The following PKN2 variants were observed in gnomAD, a reference collection of about 807,000 sequenced individuals.
PKN2 encodes protein kinase N2, also known as serine/threonine-protein kinase N2.
In PKN2, 38 loss-of-function variants were observed where a neutral mutation model predicts 119.1. The observed-to-expected ratio is 0.32, with a 90% confidence interval of 0.25 to 0.42. The LOEUF is 0.42. PKN2 is among the 10% of genes least tolerant of loss of function. The probability of loss-of-function intolerance (pLI) is 1.00; values close to 1 mark genes in which losing one functional copy is unlikely to be tolerated. For missense variants in PKN2, 850 were observed against 1,165.1 expected (o/e 0.73, Z 3.94); for synonymous variants, 390 against 384.9 (o/e 1.01, Z -0.15).
chr1:88,808,200 A>AT (rs1671631651), intron 15 of PKN2, among the ~76,000 whole-genome samples: 1 of 151,714 alleles, frequency 6.6e-6, no homozygotes, highest in Admixed American at 6.6e-5. Context: ...ATGTTATCTT[A>AT]TTTTTTTCCT....
intron 3 of PKN2, among the ~76,000 whole-genome samples, chr1:88,765,427 A>ATCCAGGTCCC (rs1669630994): frequency 6.6e-6 from 1 of 152,210 alleles, no homozygotes; most frequent in African/African-American, 2.4e-5. Context: ...CAGACTGTCC[A>ATCCAGGTCCC]TCCAGGTCCC....
At position 88,833,461 on chromosome 1, in the gene PKN2, T is replaced by C. The variant is rs769477341; in HGVS notation, c.*13T>C. On this transcript the variant is annotated 3_prime_UTR_variant, in exon 22 of 22. Coordinates refer to ENST00000370521, the MANE Select transcript of PKN2 (RefSeq NM_006256.4). ...TGATTGGTGTTAAGTTGCTAGACAC[T>C]GCGAAACCAAGCTGACTCACAAGAA... 1.2e-6 allele frequency: 2 copies of C among 1,607,174 alleles called. No homozygotes were observed. Among genetic ancestry groups the C allele is most frequent in the East Asian group, 2.2e-5 (1 of 44,808 alleles).
intron 6 of PKN2, 87 bp from the exon 7 acceptor site, chr1:88,784,552 C>CT (rs1670490038): frequency 4.0e-6 from 3 of 753,010 alleles, no homozygotes; most frequent in East Asian, 3.1e-5. Flanking sequence ...TTTTTTTTTT[C>CT]TTTTTTTGAA....
intron 1 of PKN2, among the ~76,000 whole-genome samples, chr1:88,694,416 AT>A (rs1394790571): frequency 3.3e-5 from 5 of 152,196 alleles, no homozygotes; most frequent in Non-Finnish European, 7.4e-5. Flanking sequence ...AGAAATAAGC[AT>A]TTAATTTTCC....
In PKN2 at chr1:88,821,233, A is replaced by G. The variant is rs567225375; in HGVS notation, c.2280-708A>G. ...CATGCTAATTTTTAAGTTTTTGTGAATCTGTCTCTCTGTTGCCACTACAGT... is the reference window on the plus strand; with the variant it reads ...CATGCTAATTTTTAAGTTTTTGTGAGTCTGTCTCTCTGTTGCCACTACAGT... On this transcript the variant is annotated intron_variant, in intron 16 of 21. Coordinates refer to ENST00000370521, the MANE Select transcript of PKN2 (RefSeq NM_006256.4). Among the ~76,000 whole-genome samples, 5 of 152,274 alleles carry G rather than the reference A, an allele frequency of 3.3e-5. No homozygotes were observed. In the South Asian group the frequency reaches 6.2e-4, roughly 19 times the overall value.
intron 14 of PKN2, 31 bp from the exon 15 acceptor site, chr1:88,807,653 G>A: frequency 1.3e-6 from 2 of 1,562,944 alleles, no homozygotes; most frequent in Non-Finnish European, 1.7e-6. Flanking sequence ...AATAACTCAA[G>A]TGGAAAATAA....
In PKN2 at chr1:88,784,119, G is replaced by GGA. The variant is rs1053822787; in HGVS notation, c.986-517_986-516dup. Among the ~76,000 whole-genome samples, 11 of 146,628 alleles carry GGA rather than the reference G, an allele frequency of 7.5e-5. 1 individual carries two copies. The highest frequency in any genetic ancestry group is 7.2e-3 in the Middle Eastern group (2 of 278). On this transcript the variant is annotated intron_variant, in intron 6 of 21. Transcript: ENST00000370521. The stretch of plus-strand genomic sequence containing the variant: ...ATGCCCTCTATACAGACAACTTTTG[G>GGA]GAGATGCTGTTCCTTTTTTTTTTTT...
At chr1:88,776,056 C>G (rs1380531663) in intron 6 of PKN2, among the ~76,000 whole-genome samples, 1 of 149,602 alleles carries the variant, frequency 6.7e-6, no homozygotes, top group Non-Finnish European at 1.5e-5. Context: ...GGCAGCGAGC[C>G]GAGATCGTGC....
intron 3 of PKN2, among the ~76,000 whole-genome samples, chr1:88,765,095 T>G (rs1049108126): frequency 1.6e-5 from 2 of 122,052 alleles, no homozygotes; most frequent in Non-Finnish European, 3.1e-5. Flanking sequence ...CCTGGCTACT[T>G]TTTTTGTATT....
At chr1:88,717,842 A>G (rs11804399) in intron 1 of PKN2, among the ~76,000 whole-genome samples, 10,217 of 152,072 alleles carry the variant, frequency 0.067, 701 homozygotes, top group African/African-American at 0.18. Context: ...TCTTGTTGGC[A>G]AGGAGCTGCG....
chr1:88,699,997 G>A lies in PKN2; in HGVS notation c.48+15369G>A, dbSNP rs534340134. 3.3e-5 allele frequency among the ~76,000 whole-genome samples: 5 copies of A among 152,072 alleles called. No homozygotes were observed. In the East Asian group the frequency reaches 9.7e-4, roughly 29 times the overall value. On this transcript the variant is annotated intron_variant, in intron 1 of 21. Coordinates refer to ENST00000370521, the MANE Select transcript of PKN2 (RefSeq NM_006256.4). ...AGGGTTTCACTGTTTTGGCCAGGCT[G>A]GTCTTGAACTCCCAACCTCAGGTGA...
chr1:88,770,189 T>C (rs1484031775), intron 3 of PKN2, among the ~76,000 whole-genome samples, 163 bp from the exon 4 acceptor site: 1 of 152,246 alleles, frequency 6.6e-6, no homozygotes, highest in Non-Finnish European at 1.5e-5. Context: ...GTTTGATGGC[T>C]CTTTTTTAGT....
At chr1:88,724,663 C>T (rs113971672) in intron 1 of PKN2, among the ~76,000 whole-genome samples, 7,541 of 151,218 alleles carry the variant, frequency 0.05, 363 homozygotes, top group African/African-American at 0.12. Flanking sequence ...CCTCTGCCTC[C>T]CAGGTTCAAG....
intron 12 of PKN2, 119 bp downstream of exon 12, chr1:88,806,136 T>G (rs1223175190): frequency 2.2e-5 from 20 of 917,580 alleles, no homozygotes; most frequent in Non-Finnish European, 2.8e-5. Context: ...GAATTTATGG[T>G]TTTTTGTTTG....
chr1:88,779,512 G>C (rs1447367552), intron 6 of PKN2, among the ~76,000 whole-genome samples: 1 of 150,614 alleles, frequency 6.6e-6, no homozygotes, highest in African/African-American at 2.4e-5. Context: ...TATGTGATCT[G>C]ATCTGTACCA....
At chr1:88,732,839 A>T (rs1436450604) in intron 1 of PKN2, among the ~76,000 whole-genome samples, 1 of 152,210 alleles carries the variant, frequency 6.6e-6, no homozygotes, top group Non-Finnish European at 1.5e-5. Context: ...TCAGTCATAA[A>T]TAATGAAATC....
chr1:88,705,826 T>G (rs1666979222), intron 1 of PKN2, among the ~76,000 whole-genome samples: 1 of 151,766 alleles, frequency 6.6e-6, no homozygotes, highest in Non-Finnish European at 1.5e-5. Context: ...TTATTATTAT[T>G]TTTTTTTGCC....
intron 8 of PKN2, among the ~76,000 whole-genome samples, chr1:88,788,474 T>C (rs1343775806): frequency 6.6e-6 from 1 of 152,080 alleles, no homozygotes; most frequent in Non-Finnish European, 1.5e-5. Context: ...AGATGGAGTT[T>C]CGCTCTTGTT....
chr1:88,736,910 GTC>G (rs1318135623), intron 1 of PKN2, among the ~76,000 whole-genome samples: 1 of 152,210 alleles, frequency 6.6e-6, no homozygotes, highest in East Asian at 1.9e-4. Flanking sequence ...AGACTGGAGT[GTC>G]TCTCTGGGTG....
Sources: gnomAD v4.1 joint callset for allele counts (sites outside exome capture counted in the v4.1 genomes callset) on GRCh38, gnomAD v4.1.1 for gene constraint, MANE v1.5 for transcripts, NCBI Gene and HGNC (gene_info 2026-07-23, HGNC 2026-07-21) for gene names.